Variants in ARHGAP40 observed in about 807,000 individuals in gnomAD.
ARHGAP40 encodes the protein Rho GTPase activating protein 40.
In ARHGAP40, 43 loss-of-function variants were observed where a neutral mutation model predicts 73.5. The ratio of observed to expected loss-of-function variants is 0.58; its 90% CI spans 0.46 to 0.75. ARHGAP40 has a LOEUF of 0.75. Ranked by LOEUF, ARHGAP40 falls within the 30% of genes least tolerant of loss-of-function variation. The pLI is 0.00. For synonymous variants in ARHGAP40, 300 were observed against 352.8 expected (o/e 0.85, Z 1.68); for missense variants, 734 against 861.8 (o/e 0.85, Z 1.86).
At chr20:38,604,805 T>C (rs1331814436) in intron 1 of ARHGAP40, among the ~76,000 whole-genome samples, 1 of 152,204 alleles carries the variant, frequency 6.6e-6, no homozygotes, top group East Asian at 1.9e-4. Flanking sequence ...CACTCAGGTA[T>C]CCCAAATGTT....
At chr20:38,614,897 T>C in intron 1 of ARHGAP40, 7 of 1,334,052 alleles carry the variant, frequency 5.2e-6, no homozygotes, top group Non-Finnish European at 5.4e-6. Flanking sequence ...GCAAGCTGCC[T>C]GCACCAGGCC....
chr20:38,638,485 A>G lies in ARHGAP40; in HGVS notation c.1042-276A>G, dbSNP rs112607100. ...ACTTCTGAATCTTAAAGTCAAGGGT[A>G]GATTTTTGAACTTTCATTAGCCTCC... is the stretch of plus-strand genomic sequence containing the variant. On this transcript the variant is annotated intron_variant, in intron 7 of 14. Transcript: ENST00000373345. Among the ~76,000 whole-genome samples, 1,392 of 152,264 alleles carry G rather than the reference A, an allele frequency of 9.1e-3. 23 individuals carry two copies. The highest frequency in any genetic ancestry group is 0.032 in the African/African-American group (1,315 of 41,538).
intron 3 of ARHGAP40, 99 bp from the exon 4 acceptor site, chr20:38,628,828 C>A: frequency 1.2e-6 from 1 of 843,266 alleles, no homozygotes; most frequent in Non-Finnish European, 1.7e-6. Context: ...GTGGCTCCAT[C>A]TGTGAAAAGG....
chr20:38,632,896 G>A (rs968095474), intron 5 of ARHGAP40, among the ~76,000 whole-genome samples: 1 of 152,116 alleles, frequency 6.6e-6, no homozygotes, highest in African/African-American at 2.4e-5. Flanking sequence ...GCCGAGGCAG[G>A]CAGATCACTT....
At position 38,604,122 on chromosome 20, in the gene ARHGAP40, C is replaced by T. The variant is rs145689007; in HGVS notation, c.137+2043C>T. ...TCACACCATCTATCCAACCATGCGT[C>T]GTCCGTCCATCCATCTATCTACCTA... On this transcript the variant is annotated intron_variant, in intron 1 of 14. Transcript: ENST00000373345. Among the ~76,000 whole-genome samples the T allele has an allele frequency of 2.3e-3, 352 of 152,302 alleles. 1 individual carries two copies. In the Middle Eastern group the frequency reaches 0.027, roughly 12 times the overall value.
intron 6 of ARHGAP40, among the ~76,000 whole-genome samples, chr20:38,636,901 C>T (rs1353868017): frequency 6.6e-6 from 1 of 151,652 alleles, no homozygotes; most frequent in Non-Finnish European, 1.5e-5. Flanking sequence ...TAAAAAAAGA[C>T]CAGGGGGAGG....
intron 1 of ARHGAP40, among the ~76,000 whole-genome samples, chr20:38,609,359 G>A (rs1013419981): frequency 2.0e-5 from 3 of 152,138 alleles, no homozygotes; most frequent in African/African-American, 7.2e-5. Context: ...TGAGGCGAGG[G>A]CTGAAAATGT....
At chr20:38,649,053 G>A (rs1341659877) in intron 14 of ARHGAP40, among the ~76,000 whole-genome samples, 1 of 152,222 alleles carries the variant, frequency 6.6e-6, no homozygotes, top group Admixed American at 6.5e-5. Flanking sequence ...GGGCCAAGGA[G>A]TCCTTAAGGA....
chr20:38,650,521 T>G, exon 15 of ARHGAP40: 1 of 467,536 alleles, frequency 2.1e-6, no homozygotes, highest in East Asian at 7.0e-5. Context: ...CCGGGAGAAA[T>G]GGACAGAGGA....
intron 1 of ARHGAP40, chr20:38,615,084 C>T (rs916098351): frequency 1.1e-5 from 10 of 914,574 alleles, no homozygotes; most frequent in African/African-American, 1.6e-5. Context: ...AGCAGACACT[C>T]GGAGTTTGGC....
chr20:38,638,794 A>G (rs1294777787), exon 8 of ARHGAP40: 8 of 1,305,300 alleles, frequency 6.1e-6, no homozygotes, highest in Non-Finnish European at 8.1e-6. Flanking sequence ...AGGACTGGAC[A>G]TGGAAGGCAT....
intron 1 of ARHGAP40, among the ~76,000 whole-genome samples, chr20:38,613,948 A>G (rs576643415): frequency 1.1e-3 from 172 of 152,340 alleles, no homozygotes; most frequent in Non-Finnish European, 2.3e-3. Flanking sequence ...TTAATGGGAA[A>G]GTTGTAGCCA....
chr20:38,641,535 C>T (rs1165307894), intron 9 of ARHGAP40, among the ~76,000 whole-genome samples, 191 bp from the exon 10 acceptor site: 2 of 152,138 alleles, frequency 1.3e-5, no homozygotes, highest in East Asian at 3.9e-4. Flanking sequence ...GCGAGTGAAC[C>T]TCCCACGAGC....
intron 6 of ARHGAP40, among the ~76,000 whole-genome samples, chr20:38,636,601 G>A (rs527660453): frequency 5.3e-5 from 8 of 152,116 alleles, no homozygotes; most frequent in African/African-American, 1.2e-4. Context: ...TTTCCTCCTC[G>A]TGGATGTATT....
intron 1 of ARHGAP40, among the ~76,000 whole-genome samples, chr20:38,602,734 G>A (rs1045709548): frequency 4.6e-5 from 7 of 152,144 alleles, no homozygotes; most frequent in African/African-American, 1.4e-4. Context: ...AACTTGTATA[G>A]TTTTACACAA....
chr20:38,650,307 T>A, exon 15 of ARHGAP40: 1 of 470,624 alleles, frequency 2.1e-6, no homozygotes, highest in South Asian at 1.6e-5. Context: ...ATGCAGTACC[T>A]TTATCAAGAG....
At chr20:38,624,730 A>C (rs1167888099) in intron 2 of ARHGAP40, among the ~76,000 whole-genome samples, 1 of 152,088 alleles carries the variant, frequency 6.6e-6, no homozygotes, top group East Asian at 1.9e-4. Context: ...GACTGGGCTC[A>C]AATGTTACCT....
At chr20:38,650,529 G>A (rs146459173) in exon 15 of ARHGAP40, 78 of 466,976 alleles carry the variant, frequency 1.7e-4, no homozygotes, top group African/African-American at 1.4e-3. Flanking sequence ...AATGGACAGA[G>A]GAAGACTTTG....
intron 11 of ARHGAP40, among the ~76,000 whole-genome samples, chr20:38,644,201 C>T (rs2089037963): frequency 6.6e-6 from 1 of 152,134 alleles, no homozygotes; most frequent in South Asian, 2.1e-4. Flanking sequence ...CACATCAAAG[C>T]TTTTATGCTG....
Sources: gnomAD v4.1 joint callset for allele counts (sites outside exome capture counted in the v4.1 genomes callset) on GRCh38, gnomAD v4.1.1 for gene constraint, MANE v1.5 for transcripts, NCBI Gene and HGNC (gene_info 2026-07-23, HGNC 2026-07-21) for gene names.